ATP8A2: variants seen among roughly 807,000 people sequenced by gnomAD.
The protein encoded by ATP8A2 is ATPase phospholipid transporting 8A2, also known as phospholipid-transporting ATPase IB.
In ATP8A2, 100 loss-of-function variants were observed where a neutral mutation model predicts 165.6. The observed-to-expected ratio is 0.60, with a 90% confidence interval of 0.51 to 0.71. ATP8A2 has a LOEUF of 0.71. Among genes scored for constraint, ATP8A2 ranks in the 30% least tolerant of loss-of-function variants. The pLI is 0.00. For missense variants in ATP8A2, 1,227 were observed against 1,479.5 expected, an observed-to-expected ratio of 0.83 and a Z score of 2.80; for synonymous variants, 543 against 548.8, an observed-to-expected ratio of 0.99 and a Z score of 0.15.
intron 30 of ATP8A2, among the ~76,000 whole-genome samples, chr13:25,844,649 C>T (rs1055110606): frequency 3.9e-5 from 6 of 152,182 alleles, no homozygotes; most frequent in Admixed American, 2.0e-4. Context: ...GGCCCTTGGT[C>T]TAACAGAGGG....
At chr13:25,701,351 C>G (rs147647850) in intron 25 of ATP8A2, among the ~76,000 whole-genome samples, 1 of 152,238 alleles carries the variant, frequency 6.6e-6, no homozygotes, top group African/African-American at 2.4e-5. Flanking sequence ...TGGGGAAATA[C>G]TTTTATTCAT....
chr13:25,434,560 T>C (rs2034703603), intron 1 of ATP8A2, among the ~76,000 whole-genome samples: 1 of 151,998 alleles, frequency 6.6e-6, no homozygotes, highest in Non-Finnish European at 1.5e-5. Flanking sequence ...TGTTGGCCAG[T>C]CTGGTCTCGA....
intron 1 of ATP8A2, among the ~76,000 whole-genome samples, chr13:25,458,736 G>A (rs550328980): frequency 1.3e-5 from 2 of 152,308 alleles, no homozygotes; most frequent in African/African-American, 4.8e-5. Flanking sequence ...GGAGAGATGA[G>A]GTGTGTGGGA....
chr13:25,440,198 C>T (rs1322765801), intron 1 of ATP8A2, among the ~76,000 whole-genome samples: 2 of 152,132 alleles, frequency 1.3e-5, no homozygotes, highest in Non-Finnish European at 2.9e-5. Context: ...GTAATTTTCT[C>T]ACAGGCTCTA....
Position 25,997,170 on chromosome 13 carries a change from AT to A in ATP8A2, c.3378-15357del, listed in dbSNP as rs147342655. ...TGTAAGATCGTTCTGGTGGTGACAA[AT>A]TTTCTTAGTTTTCCTTCCATTCAAG... On this transcript the variant is annotated intron_variant, in intron 35 of 36. Transcript: ENST00000381655. Among the ~76,000 whole-genome samples, 478 of 152,212 alleles carry A rather than the reference AT, an allele frequency of 3.1e-3. 3 individuals are homozygous for A. Among genetic ancestry groups the A allele is most frequent in the Middle Eastern group, 6.8e-3 (2 of 292 alleles).
chr13:25,701,403 T>G (rs1299493737), intron 25 of ATP8A2, among the ~76,000 whole-genome samples: 1 of 152,106 alleles, frequency 6.6e-6, no homozygotes, highest in African/African-American at 2.4e-5. Flanking sequence ...GCTGAGTAGG[T>G]GGGTACCTGA....
intron 33 of ATP8A2, among the ~76,000 whole-genome samples, chr13:25,947,371 G>A (rs1955239950): frequency 6.6e-6 from 1 of 152,176 alleles, no homozygotes; most frequent in South Asian, 2.1e-4. Flanking sequence ...TGGGGACCAT[G>A]TCCTTCCTGG....
intron 30 of ATP8A2, among the ~76,000 whole-genome samples, chr13:25,854,266 C>T (rs1278082354): frequency 6.6e-6 from 1 of 152,154 alleles, no homozygotes; most frequent in African/African-American, 2.4e-5. Context: ...CTACATACTC[C>T]AGCCAAAAAC....
chr13:25,820,232 G>A (rs530701279), intron 27 of ATP8A2, among the ~76,000 whole-genome samples: 1 of 152,258 alleles, frequency 6.6e-6, no homozygotes, highest in Admixed American at 6.5e-5. Flanking sequence ...AAGCAAAGAA[G>A]GGTCTTTTTT....
chr13:25,888,997 T>C (rs1465373419), intron 33 of ATP8A2, among the ~76,000 whole-genome samples: 1 of 151,978 alleles, frequency 6.6e-6, no homozygotes, highest in Non-Finnish European at 1.5e-5. Context: ...AATATGGCAA[T>C]TTTTTCCTAC....
In ATP8A2 at chr13:25,557,794, A is replaced by G. The variant is rs1287230602; in HGVS notation, c.1264-1179A>G. Among the ~76,000 whole-genome samples, 8 of 152,316 alleles carry G rather than the reference A, an allele frequency of 5.3e-5. No homozygotes were observed. The South Asian group carries it at 8.3e-4, about 16-fold the overall frequency. On this transcript the variant is annotated intron_variant, in intron 13 of 36. Coordinates refer to ENST00000381655, the MANE Select transcript of ATP8A2 (RefSeq NM_016529.6). ...GTTCATCCTAATTGAGGATATGGGG[A>G]AAGTTTGCATGAGGAAGAAATTTTG...
chr13:25,528,830 GCAACATGTGTATGCACA>G (rs1248544589), intron 2 of ATP8A2, among the ~76,000 whole-genome samples: 2 of 77,686 alleles, frequency 2.6e-5, no homozygotes, highest in African/African-American at 7.8e-5. Context: ...GCACACATAT[GCAACATGTGTATGCACA>G]CATATGCAAC....
At chr13:26,013,071 C>G (rs1956883335) in intron 36 of ATP8A2, among the ~76,000 whole-genome samples, 1 of 151,912 alleles carries the variant, frequency 6.6e-6, no homozygotes, top group Admixed American at 6.6e-5. Context: ...GCCACCCCCG[C>G]CCCCACCTCC....
rs575721217 is a variant in ATP8A2, at chr13:25,573,820, T to C, written c.1663-988T>C. ...GTGGATCCAGAGAAGTGAATAAAGA[T>C]TGATGAAGGCTGGATGAAGTGGATC... On this transcript the variant is annotated intron_variant, in intron 18 of 36. Coordinates refer to ENST00000381655, the MANE Select transcript of ATP8A2 (RefSeq NM_016529.6). 2.3e-4 allele frequency among the ~76,000 whole-genome samples: 34 copies of C among 147,084 alleles called. No homozygotes were observed. The South Asian group carries it at 7.1e-3, about 31-fold the overall frequency.
intron 24 of ATP8A2, among the ~76,000 whole-genome samples, chr13:25,628,436 T>TA (rs1565993549): frequency 6.6e-6 from 1 of 152,328 alleles, no homozygotes; most frequent in Admixed American, 6.5e-5. Context: ...TAAATGCACT[T>TA]ACGTTTTCAT....
chr13:25,601,318 A>G (rs1455363501), intron 24 of ATP8A2, among the ~76,000 whole-genome samples: 1 of 152,246 alleles, frequency 6.6e-6, no homozygotes, highest in Non-Finnish European at 1.5e-5. Context: ...CGATCTACAC[A>G]TGTATAATAT....
At chr13:25,480,264 C>A (rs530098017) in intron 2 of ATP8A2, among the ~76,000 whole-genome samples, 1,881 of 149,986 alleles carry the variant, frequency 0.013, 12 homozygotes, top group Middle Eastern at 0.022. Context: ...CGCCCCTTAC[C>A]TCCCGGACGG....
chr13:25,516,822 C>T (rs1379722888), intron 2 of ATP8A2, among the ~76,000 whole-genome samples: 1 of 150,098 alleles, frequency 6.7e-6, no homozygotes, highest in Non-Finnish European at 1.5e-5. Flanking sequence ...ACTCTCTCAC[C>T]CAGGCTGGAG....
rs531966954 is a variant in ATP8A2 at position 25,915,668 on chromosome 13, G to C, written c.3184-45907G>C. 2.7e-4 allele frequency among the ~76,000 whole-genome samples: 41 copies of C among 152,330 alleles called. No individual in the cohort carries two copies. In the South Asian group the frequency reaches 8.3e-3, roughly 31 times the overall value. On this transcript the variant is annotated intron_variant, in intron 33 of 36. Transcript: ENST00000381655. ...TGGAAGGTGCTAGAAAATGCAGCCT[G>C]CATGAGTTGGCCCCTGCAGGGGTGA... is the stretch of plus-strand genomic sequence containing the variant.
Sources: gnomAD v4.1 joint callset for allele counts (sites outside exome capture counted in the v4.1 genomes callset) on GRCh38, gnomAD v4.1.1 for gene constraint, MANE v1.5 for transcripts, NCBI Gene and HGNC (gene_info 2026-07-23, HGNC 2026-07-21) for gene names.